Variants in SND1 observed in about 807,000 individuals in gnomAD.
The protein encoded by SND1 is staphylococcal nuclease domain-containing protein 1.
A neutral mutation model predicts 121.7 loss-of-function variants in SND1; 38 were observed. That is an observed-to-expected ratio of 0.31 (90% CI 0.24 to 0.41). The LOEUF (loss-of-function observed/expected upper bound fraction) is 0.41. Among genes scored for constraint, SND1 ranks in the 10% least tolerant of loss-of-function variants. SND1 has a pLI of 1.00. For missense variants in SND1, 868 were observed against 1,184.6 expected, an observed-to-expected ratio of 0.73 and a Z score of 3.92; for synonymous variants, 401 against 447.4, an observed-to-expected ratio of 0.90 and a Z score of 1.31.
At chr7:127,854,463 T>C (rs918752306) in intron 12 of SND1, among the ~76,000 whole-genome samples, 2 of 152,090 alleles carry the variant, frequency 1.3e-5, no homozygotes, top group African/African-American at 4.8e-5. Context: ...CTTTCTCTTA[T>C]TTCATGGGGA....
At chr7:128,062,736 A>G (rs1416821937) in intron 16 of SND1, among the ~76,000 whole-genome samples, 3 of 152,146 alleles carry the variant, frequency 2.0e-5, no homozygotes, top group Non-Finnish European at 4.4e-5. Context: ...CCACCCTGAC[A>G]TGGGACACTC....
chr7:127,857,894 C>A, intron 12 of SND1: 1 of 1,377,724 alleles, frequency 7.3e-7, no homozygotes, highest in East Asian at 2.3e-5. Flanking sequence ...TAGAACTGAC[C>A]ACGAAGGGGG....
chr7:127,723,140 G>A (rs1033197368), intron 10 of SND1, among the ~76,000 whole-genome samples: 4 of 152,162 alleles, frequency 2.6e-5, no homozygotes, highest in Admixed American at 6.5e-5. Context: ...AGTTTTTAGG[G>A]GGATGGGGGT....
intron 15 of SND1, among the ~76,000 whole-genome samples, chr7:127,941,228 T>G (rs1229874754): frequency 6.6e-6 from 1 of 152,236 alleles, no homozygotes; most frequent in East Asian, 1.9e-4. Flanking sequence ...AACCAAAGCT[T>G]CTTCACCCTT....
At chr7:127,913,280 T>C (rs535242539) in intron 14 of SND1, among the ~76,000 whole-genome samples, 1 of 152,334 alleles carries the variant, frequency 6.6e-6, no homozygotes, top group East Asian at 1.9e-4. Flanking sequence ...TAAATTTTTC[T>C]AGTTTCCTTC....
chr7:127,770,120 A>T (rs1797488207), intron 10 of SND1, among the ~76,000 whole-genome samples: 1 of 152,218 alleles, frequency 6.6e-6, no homozygotes, highest in African/African-American at 2.4e-5. Context: ...ACCAGGGCCC[A>T]GAAGGTCTTA....
chr7:127,793,895 C>G (rs1007117741), intron 10 of SND1, among the ~76,000 whole-genome samples: 1 of 152,114 alleles, frequency 6.6e-6, no homozygotes. Flanking sequence ...CCAACAAATT[C>G]CTGAGTATGG....
At chr7:127,975,753 C>T (rs1802104865) in intron 15 of SND1, among the ~76,000 whole-genome samples, 1 of 152,152 alleles carries the variant, frequency 6.6e-6, no homozygotes, top group African/African-American at 2.4e-5. Flanking sequence ...AGGGGTGGCT[C>T]CTCTCTTTTG....
intron 10 of SND1, among the ~76,000 whole-genome samples, chr7:127,722,489 A>G (rs979802715): frequency 2.0e-5 from 3 of 151,286 alleles, no homozygotes; most frequent in African/African-American, 7.3e-5. Context: ...CAACTTATCT[A>G]CCTTTTTTTT....
intron 9 of SND1, among the ~76,000 whole-genome samples, chr7:127,710,382 A>G (rs1796277163): frequency 6.6e-6 from 1 of 151,916 alleles, no homozygotes; most frequent in East Asian, 1.9e-4. Context: ...TGATAAAGTG[A>G]CATAAGGAGC....
intron 13 of SND1, among the ~76,000 whole-genome samples, chr7:127,898,215 A>G (rs1032981532): frequency 6.6e-6 from 1 of 152,124 alleles, no homozygotes; most frequent in Non-Finnish European, 1.5e-5. Context: ...GCTTTAGACG[A>G]GATGATGACC....
intron 16 of SND1, chr7:128,030,137 G>GT: frequency 6.2e-7 from 1 of 1,614,220 alleles, no homozygotes; most frequent in Non-Finnish European, 8.5e-7. Flanking sequence ...AGGGCACCCG[G>GT]TTGAAGGCGT....
chr7:127,878,645 G>A (rs961480812), intron 12 of SND1, among the ~76,000 whole-genome samples: 5 of 152,042 alleles, frequency 3.3e-5, no homozygotes, highest in African/African-American at 1.2e-4. Flanking sequence ...AAAGTCTGTA[G>A]CCACTGTTTT....
At chr7:127,929,416 G>T (rs1800915257) in intron 15 of SND1, 87 bp downstream of exon 15, 1 of 1,357,650 alleles carries the variant, frequency 7.4e-7, no homozygotes, top group East Asian at 2.3e-5. Flanking sequence ...GTTCTAGATA[G>T]GCCCTAGAGC....
intron 10 of SND1, among the ~76,000 whole-genome samples, chr7:127,780,875 A>G (rs545316448): frequency 6.6e-5 from 10 of 152,200 alleles, no homozygotes; most frequent in East Asian, 3.8e-4. Flanking sequence ...AAGGTGTCCT[A>G]TGGCTGAAAA....
chr7:128,066,408 T>C (rs1338300452), intron 16 of SND1, among the ~76,000 whole-genome samples: 2 of 152,202 alleles, frequency 1.3e-5, no homozygotes, highest in African/African-American at 4.8e-5. Flanking sequence ...CTCTGTGGGC[T>C]GCGCTTGAAA....
Position 128,085,598 on chromosome 7 carries a change from C to A in SND1, c.2235-113C>A. 3 of 884,824 alleles carry A rather than the reference C, an allele frequency of 3.4e-6. No individual in the cohort carries two copies. Among genetic ancestry groups the A allele is most frequent in the Non-Finnish European group, 5.5e-6 (3 of 541,256 alleles). 54.8% of individuals were successfully genotyped at this position (884,824 alleles called of 1,614,324 possible). On this transcript the variant is annotated intron_variant, in intron 19 of 23. Coordinates refer to ENST00000354725, the MANE Select transcript of SND1 (RefSeq NM_014390.4). The surrounding 1 kb of genome is among the most constrained non-coding windows in gnomAD (Gnocchi z 4.4). Reference sequence around the variant, plus strand: ...AGTGCAGTTACTGTCCCCTGTGACACCCGTTGAACCCAGGCAGGGAAATGC... The same window carrying A: ...AGTGCAGTTACTGTCCCCTGTGACAACCGTTGAACCCAGGCAGGGAAATGC...
chr7:127,692,289 A>G (rs79433223), intron 2 of SND1, among the ~76,000 whole-genome samples: 3,023 of 152,342 alleles, frequency 0.02, 64 homozygotes, highest in Middle Eastern at 0.058. Context: ...GCAGGCCGCC[A>G]GATTGCCTGC....
chr7:127,652,519 C>A, intron 1 of SND1, 68 bp downstream of exon 1: 2 of 1,298,620 alleles, frequency 1.5e-6, no homozygotes, highest in Middle Eastern at 1.9e-4. Context: ...TTGACTCCAC[C>A]TTCCGCCAGC....
Sources: gnomAD v4.1 joint callset for allele counts (sites outside exome capture counted in the v4.1 genomes callset) on GRCh38, gnomAD v4.1.1 for gene constraint, Gnocchi (gnomAD v3.1) non-coding constraint, MANE v1.5 for transcripts, NCBI Gene and HGNC (gene_info 2026-07-23, HGNC 2026-07-21) for gene names.